The following PLK5 variants were observed in gnomAD, a reference collection of about 807,000 sequenced individuals.
PLK5 encodes the protein inactive serine/threonine-protein kinase PLK5.
Under a neutral mutation model 33.7 loss-of-function variants are expected in PLK5, and 28 were observed. That is an observed-to-expected ratio of 0.83 (90% CI 0.62 to 1.14). The LOEUF is 1.14. Ranked by LOEUF, PLK5 falls within the 50% of genes most tolerant of loss-of-function variation. The probability of loss-of-function intolerance (pLI) is 0.00; values close to 1 mark genes in which losing one functional copy is unlikely to be tolerated. For synonymous variants in PLK5, 225 were observed against 202.2 expected, an observed-to-expected ratio of 1.11 and a Z score of -0.96; for missense variants, 492 against 461.5, an observed-to-expected ratio of 1.07 and a Z score of -0.61.
intron 13 of PLK5, among the ~76,000 whole-genome samples, chr19:1,534,820 A>ATT (rs1365272786): frequency 2.4e-3 from 368 of 150,228 alleles, no homozygotes; most frequent in Admixed American, 5.1e-3. Context: ...CTGTTTAAAA[A>ATT]AAAAAAAAAG....
chr19:1,528,760 C>A, intron 8 of PLK5, 138 bp from the exon 9 acceptor site: 1 of 849,392 alleles, frequency 1.2e-6, no homozygotes, highest in South Asian at 1.8e-5. Context: ...CCCGCCTGCC[C>A]ACACCTCCCA....
intron 13 of PLK5, 22 bp downstream of exon 13, chr19:1,534,063 G>A (rs754103440): frequency 7.5e-5 from 114 of 1,520,348 alleles, no homozygotes; most frequent in Non-Finnish European, 4.1e-5. Flanking sequence ...GCTCAAACTC[G>A]GGGCACTGGG....
At chr19:1,525,153 G>A (rs1011343899) in intron 1 of PLK5, 152 bp from the exon 2 acceptor site, 3 of 153,016 alleles carry the variant, frequency 2.0e-5, no homozygotes, top group Non-Finnish European at 4.4e-5. Flanking sequence ...GTCCAGGCGG[G>A]AGGGTGGGAG....
At chr19:1,528,849 A>G in intron 8 of PLK5, 49 bp from the exon 9 acceptor site, 3 of 1,383,950 alleles carry the variant, frequency 2.2e-6, no homozygotes, top group Non-Finnish European at 1.9e-6. Flanking sequence ...CCCTACCCCC[A>G]GCTTGGGGCC....
chr19:1,534,584 T>C (rs1285639692), intron 13 of PLK5, among the ~76,000 whole-genome samples: 3 of 145,094 alleles, frequency 2.1e-5, no homozygotes, highest in Non-Finnish European at 3.0e-5. Context: ...GGTGGGCAGA[T>C]CACGAGGTCA....
intron 11 of PLK5, 26 bp from the exon 12 acceptor site, chr19:1,531,712 C>G: frequency 6.5e-7 from 1 of 1,535,628 alleles, no homozygotes; most frequent in Non-Finnish European, 8.7e-7. Context: ...TGACCCCTGG[C>G]TCAGCATACC....
intron 13 of PLK5, among the ~76,000 whole-genome samples, chr19:1,534,649 CA>C (rs531471498): frequency 0.13 from 17,475 of 137,908 alleles, 1,113 homozygotes; most frequent in African/African-American, 0.14. Context: ...ACTAAAAATA[CA>C]AAAAAAAAAA....
Position 1,531,768 on chromosome 19 carries a change from C to T in PLK5, c.599C>T (p.Pro200Leu). The part of the protein sequence containing the change: ...ATQDPLGEQQ[P>L]ILWAPKWVDY... ...CAGGACCCCCTGGGAGAGCAGCAGC[C>T]CATCCTCTGGGCCCCCAAATGGGTG... Residue 200 changes from proline to leucine, a missense_variant, in exon 12 of 14, where the codon CCC becomes CTC. Transcript: ENST00000454744. 3 of 1,536,212 alleles carry T rather than the reference C, an allele frequency of 2.0e-6. No individual in the cohort carries two copies. Among genetic ancestry groups the T allele is most frequent in the African/African-American group, 1.4e-5 (1 of 73,150 alleles).
In PLK5 at chr19:1,535,165, C is replaced by T. The variant is rs1445535548; in HGVS notation, c.926C>T (p.Ser309Phe). 4 of 1,535,220 alleles carry T rather than the reference C, an allele frequency of 2.6e-6. No homozygotes were observed. The highest frequency in any genetic ancestry group is 3.5e-6 in the Non-Finnish European group (4 of 1,146,776). Residue 309 changes from serine (S) to phenylalanine (F), a missense_variant, in exon 14 of 14, where the codon TCC becomes TTC. Transcript: ENST00000454744. ...CAGGGGTCCCCTGGCACCTCCTACT[C>T]CCTGGACGTCCCGCGGAGCCACGGC... ...WEQGSPGTSY[S>F]LDVPRSHGCA...
rs772729332 is a variant in PLK5, at chr19:1,526,897, T to C, written c.-94-6T>C. ...CTTCCTGAGCCCCCCATGACGCCCTTCCTAGAGTACTCTGTGGGACCCCTA... is the reference window on the plus strand; with the variant it reads ...CTTCCTGAGCCCCCCATGACGCCCTCCCTAGAGTACTCTGTGGGACCCCTA... On this transcript the variant is annotated splice_region_variant and splice_polypyrimidine_tract_variant and intron_variant, in intron 5 of 13. Transcript: ENST00000454744. 8.4e-6 allele frequency: 12 copies of C among 1,422,878 alleles called. No homozygotes were observed. The highest frequency in any genetic ancestry group is 1.1e-5 in the Non-Finnish European group (12 of 1,044,634). 88.1% of individuals were successfully genotyped at this position (1,422,878 alleles called of 1,614,324 possible).
At chr19:1,532,523 T>C (rs1913961474) in intron 12 of PLK5, among the ~76,000 whole-genome samples, 1 of 35,990 alleles carries the variant, frequency 2.8e-5, no homozygotes, top group Admixed American at 3.8e-4. Context: ...ATTTTCTTCT[T>C]TTTTTTTTTT....
rs1241811621 is a variant in PLK5, at chr19:1,524,203, C to T, written c.-587C>T. ...CTGGTCGCCGCCTTCCTGCGAGACCCGGGCTCGGGCCGCGTGTACAGGCGC... is the reference window on the plus strand; with the variant it reads ...CTGGTCGCCGCCTTCCTGCGAGACCTGGGCTCGGGCCGCGTGTACAGGCGC... On this transcript the variant is annotated 5_prime_UTR_variant, in exon 1 of 14. Transcript: ENST00000454744. The surrounding 1 kb of genome is among the most constrained non-coding windows in gnomAD (Gnocchi z 4.5). 6.6e-6 allele frequency: 1 copy of T among 150,632 alleles called. No individual in the cohort carries two copies. The highest frequency in any genetic ancestry group is 2.4e-5 in the African/African-American group (1 of 41,282). 9.3% of individuals were successfully genotyped at this position (150,632 alleles called of 1,614,324 possible). A position where few individuals can be genotyped will look rare whatever the true frequency, so the allele number is the denominator to read the frequency against.
chr19:1,531,871 G>A lies in PLK5; in HGVS notation c.702G>A (p.Ala234=), dbSNP rs1376667301. The change falls in exon 12 of 14, where the codon GCG becomes GCA. Residue 234 remains alanine, a synonymous_variant. Transcript: ENST00000454744. Reference sequence around the variant, plus strand: ...CGGGACGGCACCCACATGGCCCTGCGACCCCCCGGAGGGTAAGTTGTGGCC... The same window carrying A: ...CGGGACGGCACCCACATGGCCCTGCAACCCCCCGGAGGGTAAGTTGTGGCC... ...GRTGRHPHGP[A]TPRREGTLPT... 49 of 1,488,304 alleles carry A rather than the reference G, an allele frequency of 3.3e-5. No individual in the cohort carries two copies. The highest frequency in any genetic ancestry group is 1.7e-4 in the Admixed American group (8 of 46,638). 92.2% of individuals were successfully genotyped at this position (1,488,304 alleles called of 1,614,324 possible). A position where few individuals can be genotyped will look rare whatever the true frequency, so the allele number is the denominator to read the frequency against.
chr19:1,529,623 G>T, intron 10 of PLK5, 124 bp from the exon 11 acceptor site: 2 of 1,407,518 alleles, frequency 1.4e-6, no homozygotes, highest in South Asian at 2.5e-5. Context: ...CTGTCAAATG[G>T]GAATGCCGCC....
At chr19:1,528,279 T>C in intron 7 of PLK5, 23 bp from the exon 8 acceptor site, 2 of 1,535,872 alleles carry the variant, frequency 1.3e-6, no homozygotes, top group African/African-American at 1.4e-5. Flanking sequence ...AAGCCGGGGA[T>C]AACCCCAAAT....
chr19:1,528,822 G>A, intron 8 of PLK5, 76 bp from the exon 9 acceptor site: 2 of 1,124,404 alleles, frequency 1.8e-6, no homozygotes, highest in South Asian at 1.6e-5. Flanking sequence ...AGGGGTGGGT[G>A]TGGGTGGCAG....
At chr19:1,531,136 C>T (rs183076412) in intron 11 of PLK5, among the ~76,000 whole-genome samples, 97 of 151,424 alleles carry the variant, frequency 6.4e-4, no homozygotes, top group East Asian at 4.8e-3. Flanking sequence ...CGGGGCAGGG[C>T]GTGGTGGCTC....
intron 6 of PLK5, among the ~76,000 whole-genome samples, chr19:1,527,200 G>GT (rs886339335): frequency 6.6e-6 from 1 of 152,102 alleles, no homozygotes; most frequent in Non-Finnish European, 1.5e-5. Flanking sequence ...GCACAGAGAG[G>GT]TGGACAGGTG....
chr19:1,534,566 G>A (rs1447965419), intron 13 of PLK5, among the ~76,000 whole-genome samples: 7 of 150,390 alleles, frequency 4.7e-5, no homozygotes, highest in Non-Finnish European at 8.9e-5. Context: ...AGCACTTTGG[G>A]AGGCCGAGGT....
Sources: allele counts gnomAD v4.1 joint callset (sites outside exome capture counted in the v4.1 genomes callset), GRCh38; gene constraint gnomAD v4.1.1; non-coding constraint Gnocchi (gnomAD v3.1); transcripts MANE v1.5; gene names NCBI Gene and HGNC (gene_info 2026-07-23, HGNC 2026-07-21).